Variants in PTPRA observed in about 807,000 individuals in gnomAD.
PTPRA encodes the protein receptor-type tyrosine-protein phosphatase alpha.
PTPRA carries 25 observed loss-of-function variants against 104.8 expected under a neutral mutation model. That is an observed-to-expected ratio of 0.24 (90% CI 0.17 to 0.33). PTPRA has a LOEUF of 0.33. PTPRA is among the 10% of genes least tolerant of loss of function. PTPRA has a pLI of 1.00. For synonymous variants in PTPRA, 323 were observed against 368.9 expected (o/e 0.88, Z 1.43); for missense variants, 765 against 1,015.3 (o/e 0.75, Z 3.35).
chr20:2,917,918 G>C (rs143726250), intron 1 of PTPRA, among the ~76,000 whole-genome samples: 1 of 151,462 alleles, frequency 6.6e-6, no homozygotes, highest in African/African-American at 2.4e-5. Context: ...GTGAAACCCC[G>C]TTTCTACTAA....
intron 6 of PTPRA, among the ~76,000 whole-genome samples, chr20:2,980,969 C>T (rs2062649853): frequency 1.3e-5 from 2 of 152,044 alleles, no homozygotes; most frequent in Admixed American, 6.6e-5. Flanking sequence ...TGCAGTTATC[C>T]TCTAGGCGAG....
intron 11 of PTPRA, among the ~76,000 whole-genome samples, chr20:3,009,817 A>C (rs1303506968): frequency 6.6e-6 from 1 of 152,008 alleles, no homozygotes; most frequent in Non-Finnish European, 1.5e-5. Context: ...GCTGCGGGTA[A>C]GAGAATACTC....
At chr20:2,967,476 A>G (rs2061987003) in intron 5 of PTPRA, among the ~76,000 whole-genome samples, 1 of 152,210 alleles carries the variant, frequency 6.6e-6, no homozygotes. Context: ...TGAAATATTC[A>G]TTGCTGAGCT....
Position 2,910,594 on chromosome 20 carries a change from T to TG in PTPRA, c.-128-12613_-128-12612insG, listed in dbSNP as rs1371686708. Among the ~76,000 whole-genome samples, 452 of 127,168 alleles carry TG rather than the reference T, an allele frequency of 3.6e-3. 16 individuals are homozygous for TG. The highest frequency in any genetic ancestry group is 5.3e-3 in the Non-Finnish European group (336 of 63,030). 83.4% of individuals were successfully genotyped at this position (127,168 alleles called of 152,430 possible). ...GCCCAGCTAGTTTTTTTTTTGTTTT[T>TG]TTTTTGTTTTTTTTAATTTTTTTTT... On this transcript the variant is annotated intron_variant, in intron 1 of 23. Coordinates refer to ENST00000399903, the MANE Select transcript of PTPRA (RefSeq NM_001385305.1).
intron 1 of PTPRA, among the ~76,000 whole-genome samples, chr20:2,907,099 C>T (rs1291505393): frequency 6.6e-6 from 1 of 152,188 alleles, no homozygotes; most frequent in Non-Finnish European, 1.5e-5. Context: ...TATAAAGCAG[C>T]TCAACGTTGC....
intron 1 of PTPRA, among the ~76,000 whole-genome samples, chr20:2,906,875 TC>T (rs1369116211): frequency 6.6e-6 from 1 of 152,238 alleles, no homozygotes; most frequent in Non-Finnish European, 1.5e-5. Flanking sequence ...AGTATATTAT[TC>T]ATTGCTGCTT....
chr20:2,869,281 A>G (rs974574064), upstream of PTPRA, among the ~76,000 whole-genome samples: 4 of 152,262 alleles, frequency 2.6e-5, no homozygotes, highest in African/African-American at 9.6e-5. Flanking sequence ...CTCCCCCTAA[A>G]TACTTCAGTA....
rs117502245 is a variant in PTPRA, at chr20:2,925,986, A to G, written c.-50+2701A>G. 2.5e-3 allele frequency among the ~76,000 whole-genome samples: 379 copies of G among 152,230 alleles called. 2 individuals are homozygous for G. In the South Asian group the frequency reaches 0.028, roughly 11 times the overall value. On this transcript the variant is annotated intron_variant, in intron 2 of 23. Coordinates refer to ENST00000399903, the MANE Select transcript of PTPRA (RefSeq NM_001385305.1). ...ACCATGCTGTTTTTCACAGTACTGC[A>G]TCATTTTATATTCCCACCAGCAATG... is the stretch of plus-strand genomic sequence containing the variant.
intron 7 of PTPRA, 50 bp downstream of exon 7, chr20:2,986,899 A>G (rs191850309): frequency 1.3e-6 from 2 of 1,506,292 alleles, no homozygotes; most frequent in East Asian, 2.3e-5. Context: ...TCAATATCCC[A>G]GTGTCCCAAT....
intron 3 of PTPRA, among the ~76,000 whole-genome samples, chr20:2,958,415 G>A (rs1445909663): frequency 1.3e-5 from 2 of 152,030 alleles, no homozygotes; most frequent in African/African-American, 4.8e-5. Context: ...TGTCATCCAT[G>A]AGGATATTGA....
At chr20:2,984,456 G>A (rs2062817543) in intron 6 of PTPRA, among the ~76,000 whole-genome samples, 2 of 152,160 alleles carry the variant, frequency 1.3e-5, no homozygotes, top group Non-Finnish European at 2.9e-5. Flanking sequence ...TCTTAAGTCT[G>A]TAGGCAGTAT....
chr20:2,879,034 G>T (rs1159826675), intron 1 of PTPRA, among the ~76,000 whole-genome samples: 1 of 152,190 alleles, frequency 6.6e-6, no homozygotes, highest in Non-Finnish European at 1.5e-5. Context: ...GCCGGAAGCT[G>T]GGGACACCCC....
rs191802458 is a variant in PTPRA at position 2,918,213 on chromosome 20, G to A, written c.-128-4994G>A. Among the ~76,000 whole-genome samples, 157 of 151,160 alleles carry A rather than the reference G, an allele frequency of 1.0e-3. 1 individual carries two copies. The highest frequency in any genetic ancestry group is 3.0e-3 in the Admixed American group (45 of 15,158). On this transcript the variant is annotated intron_variant, in intron 1 of 23. Coordinates refer to ENST00000399903, the MANE Select transcript of PTPRA (RefSeq NM_001385305.1). Reference sequence around the variant, plus strand: ...CTCTTTTCCTTCTTTTTTTTAAAACGAGACAGGGTGACCAGGCTAAACTCT... The same window carrying A: ...CTCTTTTCCTTCTTTTTTTTAAAACAAGACAGGGTGACCAGGCTAAACTCT...
intron 2 of PTPRA, among the ~76,000 whole-genome samples, chr20:2,942,809 C>T (rs1442621872): frequency 1.3e-5 from 2 of 151,662 alleles, no homozygotes; most frequent in Admixed American, 1.3e-4. Flanking sequence ...AATATAATTA[C>T]AGTAGTACCT....
Position 3,035,720 on chromosome 20 carries a change from G to A in PTPRA, c.2046+10G>A, listed in dbSNP as rs762076468. 1 of 1,614,198 alleles carries A rather than the reference G, an allele frequency of 6.2e-7. No homozygotes were observed. The highest frequency in any genetic ancestry group is 1.7e-5 in the Admixed American group (1 of 60,032). ...GGTCACCAACACCAGGGTAAGATGGGTCGTGGGTGGACTCTGCCCACAGGA... is the reference window on the plus strand; with the variant it reads ...GGTCACCAACACCAGGGTAAGATGGATCGTGGGTGGACTCTGCCCACAGGA... On this transcript the variant is annotated intron_variant, in intron 21 of 23. Transcript: ENST00000399903. This position sits in a 1 kb window ranked among gnomAD's most constrained non-coding sequence, Gnocchi z 5.8.
chr20:2,929,236 G>A (rs1490295211), intron 2 of PTPRA, among the ~76,000 whole-genome samples: 4 of 152,130 alleles, frequency 2.6e-5, no homozygotes, highest in African/African-American at 9.7e-5. Context: ...ACAGGTGTGA[G>A]CCACCACACC....
intron 3 of PTPRA, among the ~76,000 whole-genome samples, chr20:2,961,650 G>A (rs1008565174): frequency 2.0e-5 from 3 of 152,092 alleles, no homozygotes; most frequent in Non-Finnish European, 4.4e-5. Context: ...TGTTCTCATG[G>A]ATCATGCCTT....
chr20:3,020,398 C>A (rs534199313), intron 13 of PTPRA, among the ~76,000 whole-genome samples: 72 of 152,316 alleles, frequency 4.7e-4, no homozygotes, highest in African/African-American at 1.6e-3. Context: ...ACGCCCGGCC[C>A]ACAGAGGAGC....
At chr20:2,994,376 G>A (rs536708067) in intron 9 of PTPRA, among the ~76,000 whole-genome samples, 6 of 152,272 alleles carry the variant, frequency 3.9e-5, no homozygotes, top group Non-Finnish European at 5.9e-5. Flanking sequence ...GCTACTTTCC[G>A]TTTCCATTAC....
Sources: allele counts gnomAD v4.1 joint callset (sites outside exome capture counted in the v4.1 genomes callset), GRCh38; gene constraint gnomAD v4.1.1; non-coding constraint Gnocchi (gnomAD v3.1); transcripts MANE v1.5; gene names NCBI Gene and HGNC (gene_info 2026-07-23, HGNC 2026-07-21).